Variants in TRAPPC10 observed in about 807,000 individuals in gnomAD.
TRAPPC10 encodes trafficking protein particle complex subunit 10.
In TRAPPC10, 23 loss-of-function variants were observed where a neutral mutation model predicts 125.5. That is an observed-to-expected ratio of 0.18 (90% CI 0.13 to 0.26). The LOEUF (loss-of-function observed/expected upper bound fraction) is 0.26, where lower values mean the gene tolerates loss of function less well. Among genes scored for constraint, TRAPPC10 ranks in the 10% least tolerant of loss-of-function variants. The pLI is 1.00. For synonymous variants in TRAPPC10, 509 were observed against 518.0 expected (o/e 0.98, Z 0.24); for missense variants, 1,123 against 1,308.4 (o/e 0.86, Z 2.19).
At chr21:44,075,941 C>T (rs1489609509) in intron 9 of TRAPPC10, among the ~76,000 whole-genome samples, 6 of 151,840 alleles carry the variant, frequency 4.0e-5, no homozygotes, top group East Asian at 1.9e-4. Flanking sequence ...CCCAGCTATT[C>T]GGGAGGCTGA....
chr21:44,064,326 TGTGTGTGTGTGTGA>T (rs1481955213), intron 7 of TRAPPC10, among the ~76,000 whole-genome samples: 2 of 151,684 alleles, frequency 1.3e-5, no homozygotes, highest in African/African-American at 2.4e-5. Flanking sequence ...TGTGTGTGTG[TGTGTGTGTGTGTGA>T]GTGTGAGAAT....
chr21:44,086,739 C>A, intron 15 of TRAPPC10, 63 bp from the exon 16 acceptor site: 1 of 1,570,344 alleles, frequency 6.4e-7, no homozygotes. Flanking sequence ...CACCCCATTG[C>A]GGGCCCTGAG....
intron 3 of TRAPPC10, among the ~76,000 whole-genome samples, chr21:44,043,568 A>G (rs1306530298): frequency 6.6e-6 from 1 of 152,150 alleles, no homozygotes; most frequent in African/African-American, 2.4e-5. Context: ...CCTTGTGGCC[A>G]TCTACATTTT....
intron 2 of TRAPPC10, among the ~76,000 whole-genome samples, chr21:44,037,399 TA>T (rs1231907691): frequency 3.3e-5 from 5 of 152,242 alleles, no homozygotes; most frequent in South Asian, 2.1e-4. Flanking sequence ...AATGCAACCC[TA>T]AAGCTTTCGT....
At chr21:44,020,970 C>G (rs2032446737) in intron 1 of TRAPPC10, among the ~76,000 whole-genome samples, 1 of 152,176 alleles carries the variant, frequency 6.6e-6, no homozygotes, top group Admixed American at 6.5e-5. Flanking sequence ...ACCATCTGTT[C>G]ACATGGAAGC....
intron 1 of TRAPPC10, among the ~76,000 whole-genome samples, chr21:44,022,371 C>T (rs1416744893): frequency 2.7e-5 from 4 of 150,518 alleles, no homozygotes; most frequent in South Asian, 4.2e-4. Flanking sequence ...GCAACCTCCG[C>T]CTCCCAGGTT....
In TRAPPC10 at chr21:44,072,838, G is replaced by A. The variant is rs986246089; in HGVS notation, c.1039-1486G>A. Among the ~76,000 whole-genome samples, 8 of 152,308 alleles carry A rather than the reference G, an allele frequency of 5.3e-5. 1 individual carries two copies. In the South Asian group the frequency reaches 1.0e-3, roughly 20 times the overall value. On this transcript the variant is annotated intron_variant, in intron 7 of 22. Coordinates refer to ENST00000291574, the MANE Select transcript of TRAPPC10 (RefSeq NM_003274.5). ...GTTTACAGAAGCTTTTGCGCAGTGG[G>A]TACTGATGGTGGTAGCGTCTTGGGA... is the stretch of plus-strand genomic sequence containing the variant.
chr21:44,055,812 C>G lies in TRAPPC10; in HGVS notation c.597C>G (p.Gly199=). 1.9e-6 allele frequency: 3 copies of G among 1,613,878 alleles called. No individual in the cohort carries two copies. The highest frequency in any genetic ancestry group is 3.3e-5 in the Admixed American group (2 of 60,010). Residue 199 remains glycine (G), a synonymous_variant, in exon 5 of 23, where the codon GGC becomes GGG. Coordinates refer to ENST00000291574, the MANE Select transcript of TRAPPC10 (RefSeq NM_003274.5). The part of the protein sequence containing the change: ...LLLMSFTKNL[G]KFEDDMRTLR... ...TTATGTCTTTTACCAAAAACCTAGG[C>G]AAGTTTGAGGATGACATGAGAACCT...
chr21:44,037,847 A>G lies in TRAPPC10; in HGVS notation c.205A>G (p.Lys69Glu), dbSNP rs1182236246. 1 of 1,614,190 alleles carries G rather than the reference A, an allele frequency of 6.2e-7. No homozygotes were observed. The highest frequency in any genetic ancestry group is 1.7e-5 in the Admixed American group (1 of 60,026). Residue 69 changes from lysine to glutamate, a missense_variant, in exon 3 of 23, where the codon AAA becomes GAA. Transcript: ENST00000291574. ...IHLESNFVQF[K>E]EELLPKEGNK... ...CCTAGAGTCTAACTTTGTTCAATTC[A>G]AAGAGGAGCTGCTGCCCAAAGAAGG... is the stretch of plus-strand genomic sequence containing the variant.
At chr21:44,048,797 G>GTTTTTTTTTTTTTTTTT (rs34892092) in intron 3 of TRAPPC10, among the ~76,000 whole-genome samples, 1 of 105,612 alleles carries the variant, frequency 9.5e-6, no homozygotes. Flanking sequence ...CCCACCCTGT[G>GTTTTTTTTTTTTTTTTT]TTTTTTTTTT....
intron 1 of TRAPPC10, among the ~76,000 whole-genome samples, chr21:44,022,899 G>T (rs1432300897): frequency 1.3e-5 from 2 of 151,670 alleles, no homozygotes; most frequent in Non-Finnish European, 1.5e-5. Flanking sequence ...TATCATGGGT[G>T]TTGCTGTTCT....
intron 1 of TRAPPC10, among the ~76,000 whole-genome samples, chr21:44,025,130 G>A (rs945775941): frequency 6.6e-6 from 1 of 152,168 alleles, no homozygotes; most frequent in Non-Finnish European, 1.5e-5. Context: ...TGGCCTTTCC[G>A]ACGGGCCTGT....
At chr21:44,094,938 G>A (rs1317245853) in intron 20 of TRAPPC10, among the ~76,000 whole-genome samples, 1 of 151,274 alleles carries the variant, frequency 6.6e-6, no homozygotes, top group African/African-American at 2.4e-5. Flanking sequence ...TGACCTTCAT[G>A]TTTTATATAA....
rs183764941 is a variant in TRAPPC10, at chr21:44,061,062, C to A, written c.790+1848C>A. Among the ~76,000 whole-genome samples the A allele has an allele frequency of 1.3e-3, 200 of 152,002 alleles. 2 individuals are homozygous for A. The highest frequency in any genetic ancestry group is 6.2e-4 in the Non-Finnish European group (42 of 67,954). ...AAGCGATTCTCTTGCCTCAGCCTCC[C>A]AAATAGCTGGGACTACAGGTGCGCA... is the stretch of plus-strand genomic sequence containing the variant. On this transcript the variant is annotated intron_variant, in intron 6 of 22. Coordinates refer to ENST00000291574, the MANE Select transcript of TRAPPC10 (RefSeq NM_003274.5).
At chr21:44,045,367 GAA>G (rs1229043093) in intron 3 of TRAPPC10, among the ~76,000 whole-genome samples, 1 of 152,126 alleles carries the variant, frequency 6.6e-6, no homozygotes, top group Non-Finnish European at 1.5e-5. Flanking sequence ...TGTACATTGG[GAA>G]AGTCTATTTT....
At chr21:44,089,954 G>A (rs369021567) in intron 18 of TRAPPC10, 21 bp downstream of exon 18, 18 of 1,586,542 alleles carry the variant, frequency 1.1e-5, no homozygotes, top group Non-Finnish European at 6.0e-6. Flanking sequence ...CGTAGCGTGC[G>A]GGCCCTGGCT....
At position 44,059,210 on chromosome 21, in the gene TRAPPC10, C is replaced by T. The variant is rs1009167795; in HGVS notation, c.786C>T (p.Ala262=). The part of the protein sequence containing the change: ...LFSQYVVNFG[A]GDGANWLTFF... ...CTCAGTATGTGGTCAACTTCGGGGC[C>T]GGGGGTGAGTAGTGGCACTTCAGTA... is the stretch of plus-strand genomic sequence containing the variant. The change falls in exon 6 of 23, where the codon GCC becomes GCT. Residue 262 remains alanine (A), a synonymous_variant. Coordinates refer to ENST00000291574, the MANE Select transcript of TRAPPC10 (RefSeq NM_003274.5). This position sits in a 1 kb window ranked among gnomAD's most constrained non-coding sequence, Gnocchi z 4.4. 9.4e-6 allele frequency: 15 copies of T among 1,604,020 alleles called. No homozygotes were observed. Among genetic ancestry groups the T allele is most frequent in the African/African-American group, 4.0e-5 (3 of 74,302 alleles).
chr21:44,089,386 G>A (rs1569221380), intron 17 of TRAPPC10: 2 of 371,162 alleles, frequency 5.4e-6, no homozygotes, highest in East Asian at 1.5e-4. Flanking sequence ...AGCCTCACAT[G>A]GATTAAATGC....
chr21:44,035,121 G>GA (rs1430295191), intron 2 of TRAPPC10, among the ~76,000 whole-genome samples: 1 of 152,208 alleles, frequency 6.6e-6, no homozygotes, highest in Non-Finnish European at 1.5e-5. Flanking sequence ...TCTTGCATTG[G>GA]AAACTTAATT....
Sources: gnomAD v4.1 joint callset for allele counts (sites outside exome capture counted in the v4.1 genomes callset) on GRCh38, gnomAD v4.1.1 for gene constraint, Gnocchi (gnomAD v3.1) non-coding constraint, MANE v1.5 for transcripts, NCBI Gene and HGNC (gene_info 2026-07-23, HGNC 2026-07-21) for gene names.